Variants in TRMT9B observed in about 807,000 individuals in gnomAD.
TRMT9B encodes tRNA methyltransferase 9B (putative), also known as probable tRNA methyltransferase 9B.
Under a neutral mutation model 11.5 loss-of-function variants are expected in TRMT9B, and 16 were observed. The observed-to-expected ratio is 1.39, with a 90% CI of 0.94 to 2.11. TRMT9B has a LOEUF of 2.11. Among genes scored for constraint, TRMT9B ranks in the 30% most tolerant of loss-of-function variants. The pLI, the probability that TRMT9B is intolerant of heterozygous loss-of-function variation, is 0.00. For synonymous variants in TRMT9B, 274 were observed against 192.4 expected, an observed-to-expected ratio of 1.42 and a Z score of -3.51; for missense variants, 941 against 553.8, an observed-to-expected ratio of 1.70 and a Z score of -7.02.
At chr8:13,012,289 A>AG in intron 3 of TRMT9B, 1 of 987,702 alleles carries the variant, frequency 1.0e-6, no homozygotes, top group Non-Finnish European at 1.2e-6. Context: ...AAAAAAAAAA[A>AG]AAGTTGGCCA....
At chr8:13,008,612 C>G (rs1027187236) in intron 3 of TRMT9B, among the ~76,000 whole-genome samples, 1 of 152,082 alleles carries the variant, frequency 6.6e-6, no homozygotes, top group African/African-American at 2.4e-5. Flanking sequence ...AACTTTGACC[C>G]TATAAAAATG....
intron 3 of TRMT9B, among the ~76,000 whole-genome samples, chr8:13,009,122 ATAT>A (rs1246050530): frequency 2.6e-5 from 4 of 152,194 alleles, no homozygotes; most frequent in Non-Finnish European, 5.9e-5. Flanking sequence ...AACCTGGAAG[ATAT>A]TATGCTAGGT....
intron 4 of TRMT9B, among the ~76,000 whole-genome samples, chr8:13,014,968 G>T (rs1264378899): frequency 6.6e-6 from 1 of 151,768 alleles, no homozygotes. Flanking sequence ...GCTGAGGCAG[G>T]GAATTGCTTG....
chr8:12,999,898 A>G (rs888292889), intron 2 of TRMT9B, among the ~76,000 whole-genome samples: 2 of 152,244 alleles, frequency 1.3e-5, no homozygotes, highest in Non-Finnish European at 2.9e-5. Context: ...TTATTATAAT[A>G]TATCTCTACG....
intron 1 of TRMT9B, among the ~76,000 whole-genome samples, chr8:12,990,072 C>T (rs1460373145): frequency 2.6e-5 from 4 of 152,186 alleles, no homozygotes; most frequent in Non-Finnish European, 5.9e-5. Context: ...CACACGCACC[C>T]TGCCATCGTG....
At chr8:13,014,999 C>T (rs1223854928) in intron 4 of TRMT9B, among the ~76,000 whole-genome samples, 1 of 151,780 alleles carries the variant, frequency 6.6e-6, no homozygotes, top group East Asian at 1.9e-4. Context: ...GAAGAGGTTG[C>T]AGTGAGCCAA....
At chr8:13,014,241 A>G (rs1359272373) in intron 4 of TRMT9B, among the ~76,000 whole-genome samples, 2 of 152,220 alleles carry the variant, frequency 1.3e-5, no homozygotes, top group African/African-American at 4.8e-5. Context: ...TGTTAGATCC[A>G]TTTTGGTTGT....
intron 3 of TRMT9B, chr8:13,007,159 C>G (rs1585331895): frequency 6.6e-6 from 1 of 152,216 alleles, no homozygotes; most frequent in Non-Finnish European, 1.5e-5. Context: ...GCTCACATGC[C>G]TTCTATAGAA....
At position 13,024,420 on chromosome 8, in the gene TRMT9B, G is replaced by C. The variant is rs1814439499; in HGVS notation, c.*2376G>C. Reference sequence around the variant, plus strand: ...CCTTGGTAAAAAGAAAAGATTCTCAGAGTCAAAATGGTCTTACAACTCGGG... The same window carrying C: ...CCTTGGTAAAAAGAAAAGATTCTCACAGTCAAAATGGTCTTACAACTCGGG... On this transcript the variant is annotated 3_prime_UTR_variant, in exon 5 of 5. Coordinates refer to ENST00000524591, the MANE Select transcript of TRMT9B (RefSeq NM_020844.3). The C allele has an allele frequency of 6.0e-6, 1 of 167,204 alleles. No individual in the cohort carries two copies. Among genetic ancestry groups the C allele is most frequent in the South Asian group, 2.1e-4 (1 of 4,830 alleles). The allele number at this position is 167,204 out of a possible 1,614,324, so 10.4% of individuals were successfully genotyped here.
chr8:13,014,526 G>A (rs561098315), intron 4 of TRMT9B, among the ~76,000 whole-genome samples: 2 of 152,140 alleles, frequency 1.3e-5, no homozygotes, highest in African/African-American at 4.8e-5. Context: ...TTATAAATAG[G>A]CCATTAAGCC....
Position 12,999,186 on chromosome 8 carries a change from G to C in TRMT9B, c.-1-7016G>C, listed in dbSNP as rs1208572939. On this transcript the variant is annotated intron_variant, in intron 2 of 4. Coordinates refer to ENST00000524591, the MANE Select transcript of TRMT9B (RefSeq NM_020844.3). ...TGGTGGTACGTGCCTATAATTCCAG[G>C]TACTCAGGAGGCTGAGGCAGGAGAA... 2.0e-5 allele frequency among the ~76,000 whole-genome samples: 3 copies of C among 151,384 alleles called. No homozygotes were observed. The East Asian group carries it at 5.8e-4, about 29-fold the overall frequency.
intron 1 of TRMT9B, among the ~76,000 whole-genome samples, chr8:12,949,411 C>G (rs1800429717): frequency 1.3e-5 from 2 of 152,128 alleles, no homozygotes; most frequent in African/African-American, 4.8e-5. Context: ...GTGAAATTCT[C>G]TGGTACAAAA....
chr8:13,016,285 TTG>T (rs2128898126), intron 4 of TRMT9B, among the ~76,000 whole-genome samples: 1 of 90,740 alleles, frequency 1.1e-5, no homozygotes, highest in South Asian at 2.7e-4. Context: ...ATAAATATAT[TTG>T]TGTGTTTATA....
At chr8:13,000,824 G>A (rs1283658268) in intron 2 of TRMT9B, among the ~76,000 whole-genome samples, 1 of 152,190 alleles carries the variant, frequency 6.6e-6, no homozygotes, top group Admixed American at 6.5e-5. Flanking sequence ...TGGGAAAGGT[G>A]TGGTTGTAAG....
At chr8:12,966,790 G>C (rs1246286270) in intron 1 of TRMT9B, among the ~76,000 whole-genome samples, 2 of 152,194 alleles carry the variant, frequency 1.3e-5, no homozygotes, top group African/African-American at 4.8e-5. Flanking sequence ...TCCTGTTCAA[G>C]ATGGGACCTG....
intron 1 of TRMT9B, among the ~76,000 whole-genome samples, chr8:12,977,239 A>G (rs1804596028): frequency 6.6e-6 from 1 of 152,134 alleles, no homozygotes; most frequent in Non-Finnish European, 1.5e-5. Flanking sequence ...GTTTATTACT[A>G]ATGCTGGTCG....
chr8:12,978,206 A>T (rs141861626), intron 1 of TRMT9B, among the ~76,000 whole-genome samples: 13 of 152,292 alleles, frequency 8.5e-5, no homozygotes, highest in African/African-American at 3.1e-4. Flanking sequence ...CCTGCTCATC[A>T]TCAAACACTT....
chr8:13,001,284 C>T (rs1465537905), intron 2 of TRMT9B, among the ~76,000 whole-genome samples: 3 of 152,120 alleles, frequency 2.0e-5, no homozygotes, highest in African/African-American at 7.2e-5. Context: ...TGGACTGGTT[C>T]CCTGTAGATC....
intron 4 of TRMT9B, among the ~76,000 whole-genome samples, chr8:13,013,875 G>A (rs933025092): frequency 4.6e-5 from 7 of 152,158 alleles, no homozygotes; most frequent in African/African-American, 1.7e-4. Flanking sequence ...CTTGAACCTG[G>A]AAGGCGGAGG....
Sources: gnomAD v4.1 joint callset for allele counts (sites outside exome capture counted in the v4.1 genomes callset) on GRCh38, gnomAD v4.1.1 for gene constraint, MANE v1.5 for transcripts, NCBI Gene and HGNC (gene_info 2026-07-23, HGNC 2026-07-21) for gene names.